Variants in GGT1 observed in about 807,000 individuals in gnomAD.
The protein encoded by GGT1 is glutathione hydrolase 1 proenzyme.
GGT1 carries 21 observed loss-of-function variants against 56.0 expected under a neutral mutation model. The observed-to-expected ratio is 0.38, with a 90% CI of 0.27 to 0.54. The LOEUF (loss-of-function observed/expected upper bound fraction) is 0.54. GGT1 is among the 20% of genes least tolerant of loss of function. The pLI is 0.82. For synonymous variants in GGT1, 238 were observed against 342.6 expected (o/e 0.69, Z 3.37); for missense variants, 466 against 787.0 (o/e 0.59, Z 4.88).
chr22:24,623,467 G>A (rs2047556694), intron 10 of GGT1, among the ~76,000 whole-genome samples: 1 of 151,450 alleles, frequency 6.6e-6, no homozygotes, highest in Non-Finnish European at 1.5e-5. Flanking sequence ...AAGGGTTGGA[G>A]GAGGAACAGG....
At chr22:24,598,445 C>CAA (rs1186508492), upstream of GGT1, among the ~76,000 whole-genome samples, 2,448 of 75,326 alleles carry the variant, frequency 0.032, 150 homozygotes, top group African/African-American at 0.089. Context: ...GACTCCGTCT[C>CAA]AAAAAAAAAA....
At chr22:24,606,157 C>A (rs1416418075) in intron 1 of GGT1, among the ~76,000 whole-genome samples, 14 of 134,454 alleles carry the variant, frequency 1.0e-4, no homozygotes, top group Non-Finnish European at 2.0e-4. Context: ...TAAAATTATA[C>A]TTTAAGTTCT....
chr22:24,589,808 C>T, the GGT1 span: 2 of 1,608,598 alleles, frequency 1.2e-6, no homozygotes, highest in Non-Finnish European at 8.5e-7. Flanking sequence ...GGGCCCGTGC[C>T]TGCCAGCCTC....
At chr22:24,605,475 A>G (rs1421866573) in intron 1 of GGT1, among the ~76,000 whole-genome samples, 1 of 73,214 alleles carries the variant, frequency 1.4e-5, no homozygotes, top group Non-Finnish European at 2.1e-5. Flanking sequence ...ATAATATTAT[A>G]TAATGTGTAT....
At chr22:24,617,424 G>A (rs571260222) in intron 7 of GGT1, among the ~76,000 whole-genome samples, 109 of 152,282 alleles carry the variant, frequency 7.2e-4, no homozygotes, top group Non-Finnish European at 1.2e-3. Context: ...TATGGACCCC[G>A]TGGGTTGCTG....
the GGT1 span, chr22:24,585,771 T>G: frequency 3.6e-6 from 4 of 1,109,934 alleles, no homozygotes; most frequent in Non-Finnish European, 5.0e-6. Flanking sequence ...AATCTCAGGC[T>G]GAGCATTTAC....
rs562090553 is a variant in GGT1 at position 24,624,520 on chromosome 22, C to T, written c.1020+604C>T. On this transcript the variant is annotated intron_variant, in intron 11 of 15. Coordinates refer to ENST00000400382, the MANE Select transcript of GGT1 (RefSeq NM_001288833.2). Reference sequence around the variant, plus strand: ...CCTCCCAGGAGGGGCGTCAGCTGCCCAGGTGGTGTCTTCTCTTTCCCCGTG... The same window carrying T: ...CCTCCCAGGAGGGGCGTCAGCTGCCTAGGTGGTGTCTTCTCTTTCCCCGTG... 217 of 934,716 alleles carry T rather than the reference C, an allele frequency of 2.3e-4. 3 individuals are homozygous for T. The South Asian group carries it at 9.3e-3, about 40-fold the overall frequency. 57.9% of individuals were successfully genotyped at this position (934,716 alleles called of 1,614,324 possible).
At chr22:24,588,972 T>G in the GGT1 span, 1 of 1,009,054 alleles carries the variant, frequency 9.9e-7, no homozygotes, top group Non-Finnish European at 1.2e-6. Flanking sequence ...CACTGCATCC[T>G]TTATCCAGTC....
chr22:24,607,724 T>C, intron 1 of GGT1: 1 of 273,454 alleles, frequency 3.7e-6, no homozygotes, highest in South Asian at 3.0e-5. Context: ...GGCTGGTCTC[T>C]TGGACTAGGT....
At chr22:24,589,673 C>T in the GGT1 span, 1 of 892,720 alleles carries the variant, frequency 1.1e-6, no homozygotes, top group Non-Finnish European at 1.6e-6. Flanking sequence ...CTGATGCTGG[C>T]AGCAGGTCTC....
chr22:24,626,224 C>T (rs1031784574), intron 11 of GGT1, among the ~76,000 whole-genome samples: 4 of 148,778 alleles, frequency 2.7e-5, no homozygotes, highest in Non-Finnish European at 4.4e-5. Flanking sequence ...GATCTCCTGA[C>T]GTCGTGATCC....
chr22:24,593,074 G>T (rs751036249), upstream of GGT1: 111 of 1,036,678 alleles, frequency 1.1e-4, no homozygotes, highest in Admixed American at 2.2e-4. Context: ...CCCACAGGAG[G>T]CCGGGCTGTC....
upstream of GGT1, chr22:24,592,868 G>A: frequency 1.6e-6 from 2 of 1,282,894 alleles, no homozygotes; most frequent in Non-Finnish European, 2.0e-6. Context: ...CTCGCCTGGC[G>A]CAGGAGGCGC....
At chr22:24,589,772 C>G in the GGT1 span, 1 of 1,558,146 alleles carries the variant, frequency 6.4e-7, no homozygotes, top group Admixed American at 2.1e-5. Context: ...CTGTTGGCCC[C>G]CCTGTCCACC....
the GGT1 span, chr22:24,588,271 G>T: frequency 6.2e-7 from 1 of 1,613,670 alleles, no homozygotes; most frequent in Non-Finnish European, 8.5e-7. Flanking sequence ...CGAGTGAGGG[G>T]TGAGGTGGTA....
At chr22:24,613,990 C>CA (rs2046880369) in intron 5 of GGT1, among the ~76,000 whole-genome samples, 1 of 152,018 alleles carries the variant, frequency 6.6e-6, no homozygotes, top group Non-Finnish European at 1.5e-5. Context: ...GTCAAAGCTG[C>CA]ATTGAGCCAA....
intron 9 of GGT1, among the ~76,000 whole-genome samples, chr22:24,621,855 A>T (rs1231430590): frequency 4.6e-5 from 7 of 151,714 alleles, no homozygotes; most frequent in African/African-American, 1.7e-4. Flanking sequence ...GTTCAAGACC[A>T]GCCTGGCCAA....
the GGT1 span, among the ~76,000 whole-genome samples, chr22:24,584,251 G>C: frequency 1.3e-5 from 2 of 152,120 alleles, no homozygotes; most frequent in African/African-American, 4.8e-5. Context: ...GCTGAGAGCT[G>C]AAAGTCCTAT....
At chr22:24,617,466 C>G (rs1348274906) in intron 7 of GGT1, among the ~76,000 whole-genome samples, 2 of 151,954 alleles carry the variant, frequency 1.3e-5, no homozygotes, top group African/African-American at 4.8e-5. Context: ...GGGGACCTGT[C>G]TGGAGGTCAC....
Sources: allele counts gnomAD v4.1 joint callset (sites outside exome capture counted in the v4.1 genomes callset), GRCh38; gene constraint gnomAD v4.1.1; transcripts MANE v1.5; gene names NCBI Gene and HGNC (gene_info 2026-07-23, HGNC 2026-07-21).